PTPRM: variants seen among roughly 807,000 people sequenced by gnomAD.
PTPRM encodes the protein receptor-type tyrosine-protein phosphatase mu.
A neutral mutation model predicts 186.7 loss-of-function variants in PTPRM; 47 were observed. The observed-to-expected ratio is 0.25, with a 90% CI of 0.20 to 0.32. The LOEUF (loss-of-function observed/expected upper bound fraction) is 0.32, where lower values mean the gene tolerates loss of function less well. Ranked by LOEUF, PTPRM falls within the 10% of genes least tolerant of loss-of-function variation. PTPRM has a pLI of 1.00. For synonymous variants in PTPRM, 668 were observed against 674.9 expected (o/e 0.99, Z 0.16); for missense variants, 1,494 against 1,865.0 (o/e 0.80, Z 3.66).
rs149384488 is a variant in PTPRM at position 8,398,467 on chromosome 18, G to A, written c.4344+3856G>A. ...CAGTTTTCTCATCTGTAAAGTGGGA[G>A]TAAGAATATTAAGCCTGGCCAAACA... On this transcript the variant is annotated intron_variant, in intron 32 of 32. Coordinates refer to ENST00000580170, the MANE Select transcript of PTPRM (RefSeq NM_001105244.2). Among the ~76,000 whole-genome samples, 394 of 151,394 alleles carry A rather than the reference G, an allele frequency of 2.6e-3. 1 individual carries two copies. Among genetic ancestry groups the A allele is most frequent in the African/African-American group, 9.2e-3 (379 of 41,346 alleles).
chr18:8,063,321 C>T (rs1462098394), intron 7 of PTPRM, among the ~76,000 whole-genome samples: 1 of 150,558 alleles, frequency 6.6e-6, no homozygotes, highest in African/African-American at 2.5e-5. Flanking sequence ...TCGGCTTGCG[C>T]ACACCCACTG....
At chr18:8,080,379 A>G (rs1156703076) in intron 9 of PTPRM, among the ~76,000 whole-genome samples, 7 of 152,218 alleles carry the variant, frequency 4.6e-5, no homozygotes, top group Admixed American at 2.0e-4. Context: ...AAGCTTTAGT[A>G]TGTCTGAGAT....
intron 9 of PTPRM, among the ~76,000 whole-genome samples, chr18:8,079,222 T>A (rs1183136940): frequency 2.0e-5 from 3 of 152,206 alleles, no homozygotes; most frequent in Non-Finnish European, 4.4e-5. Context: ...GCACTAGCCT[T>A]GCCTCTCTGA....
chr18:8,049,750 C>T (rs968089652), intron 7 of PTPRM, among the ~76,000 whole-genome samples: 14 of 149,138 alleles, frequency 9.4e-5, no homozygotes, highest in African/African-American at 2.2e-4. Context: ...CTTGCACTGT[C>T]GCCTGGCCTG....
At chr18:7,841,798 A>G (rs1247058679) in intron 2 of PTPRM, among the ~76,000 whole-genome samples, 2 of 152,180 alleles carry the variant, frequency 1.3e-5, no homozygotes, top group Non-Finnish European at 2.9e-5. Flanking sequence ...CAATGCCATT[A>G]CGATCTGTAG....
chr18:8,050,619 C>G (rs1295078913), intron 7 of PTPRM, among the ~76,000 whole-genome samples: 1 of 152,132 alleles, frequency 6.6e-6, no homozygotes, highest in Non-Finnish European at 1.5e-5. Context: ...TCTCTAAGGA[C>G]TTTCAGTGTG....
rs992776149 is a variant in PTPRM, at chr18:8,263,477, T to C, written c.2754+10063T>C. ...TTAACCTTGTGGCAGGAATGAAATA[T>C]ATTTGGTCTTTGTGCCTGGTTCCTG... On this transcript the variant is annotated intron_variant, in intron 19 of 32. Coordinates refer to ENST00000580170, the MANE Select transcript of PTPRM (RefSeq NM_001105244.2). 4.6e-5 allele frequency among the ~76,000 whole-genome samples: 7 copies of C among 152,344 alleles called. No homozygotes were observed. In the East Asian group the frequency reaches 1.3e-3, roughly 29 times the overall value.
intron 2 of PTPRM, among the ~76,000 whole-genome samples, chr18:7,860,026 T>C (rs2047285475): frequency 6.6e-6 from 1 of 152,198 alleles, no homozygotes; most frequent in Non-Finnish European, 1.5e-5. Context: ...TTTCTGATCC[T>C]TTTTGAATTG....
At chr18:7,991,373 T>A (rs1422212909) in intron 7 of PTPRM, among the ~76,000 whole-genome samples, 1 of 152,014 alleles carries the variant, frequency 6.6e-6, no homozygotes, top group Non-Finnish European at 1.5e-5. Flanking sequence ...GAAAATGGCT[T>A]ATGACTATAA....
chr18:7,582,399 C>T (rs1031081042), intron 1 of PTPRM, among the ~76,000 whole-genome samples: 7 of 152,142 alleles, frequency 4.6e-5, no homozygotes, highest in South Asian at 2.1e-4. Context: ...AAAGAGAGAG[C>T]AGAAGTGAAC....
chr18:8,114,961 G>A, intron 13 of PTPRM, 134 bp downstream of exon 13: 2 of 627,816 alleles, frequency 3.2e-6, no homozygotes, highest in Non-Finnish European at 5.5e-6. Flanking sequence ...ATATATATAT[G>A]CATGAATGCA....
chr18:7,650,367 G>A (rs1385968131), intron 1 of PTPRM, among the ~76,000 whole-genome samples: 1 of 147,892 alleles, frequency 6.8e-6, no homozygotes, highest in Non-Finnish European at 1.5e-5. Context: ...TGATCATTTT[G>A]CTTGATTCTG....
intron 22 of PTPRM, among the ~76,000 whole-genome samples, chr18:8,343,080 T>C (rs1437202928): frequency 1.3e-5 from 2 of 152,164 alleles, no homozygotes; most frequent in Non-Finnish European, 2.9e-5. Context: ...GAAAGAGTAA[T>C]GTTATCTATT....
chr18:7,790,153 C>T (rs759270302), intron 2 of PTPRM, among the ~76,000 whole-genome samples: 5 of 152,168 alleles, frequency 3.3e-5, no homozygotes, highest in African/African-American at 9.7e-5. Context: ...TGAATATGCT[C>T]TTTTGCATTT....
rs533603134 is a variant in PTPRM at position 7,994,669 on chromosome 18, G to A, written c.1132+39255G>A. Among the ~76,000 whole-genome samples, 4 of 152,178 alleles carry A rather than the reference G, an allele frequency of 2.6e-5. No homozygotes were observed. The East Asian group carries it at 7.7e-4, about 29-fold the overall frequency. On this transcript the variant is annotated intron_variant, in intron 7 of 32. Transcript: ENST00000580170. ...GGAATAAACTACAAATCAGTAGCAAGAGAAATGTTGGAACCTGGAAAAAAT... is the reference window on the plus strand; with the variant it reads ...GGAATAAACTACAAATCAGTAGCAAAAGAAATGTTGGAACCTGGAAAAAAT...
intron 4 of PTPRM, among the ~76,000 whole-genome samples, chr18:7,919,378 T>A (rs1305021798): frequency 6.6e-6 from 1 of 152,134 alleles, no homozygotes; most frequent in Admixed American, 6.5e-5. Flanking sequence ...TTGTAATTTT[T>A]GAGTAGTATT....
intron 2 of PTPRM, among the ~76,000 whole-genome samples, chr18:7,794,450 C>A (rs2043503818): frequency 6.6e-6 from 1 of 152,104 alleles, no homozygotes; most frequent in South Asian, 2.1e-4. Context: ...GACAAGGGAA[C>A]CATTCCCGTT....
chr18:7,772,069 C>T (rs2042292639), intron 1 of PTPRM, among the ~76,000 whole-genome samples: 1 of 152,174 alleles, frequency 6.6e-6, no homozygotes, highest in Non-Finnish European at 1.5e-5. Context: ...TGGTTAAGGG[C>T]AGTAGCCCGT....
intron 13 of PTPRM, among the ~76,000 whole-genome samples, chr18:8,135,735 C>T (rs1235028206): frequency 1.3e-5 from 2 of 152,140 alleles, no homozygotes; most frequent in African/African-American, 2.4e-5. Context: ...CGTGTGAGTC[C>T]TCATCACAAT....
Sources: allele counts gnomAD v4.1 joint callset (sites outside exome capture counted in the v4.1 genomes callset), GRCh38; gene constraint gnomAD v4.1.1; transcripts MANE v1.5; gene names NCBI Gene and HGNC (gene_info 2026-07-23, HGNC 2026-07-21).